Variants in PLCE1 observed in about 807,000 individuals in gnomAD.
PLCE1 encodes the protein 1-phosphatidylinositol 4,5-bisphosphate phosphodiesterase epsilon-1.
PLCE1 carries 119 observed loss-of-function variants against 242.8 expected under a neutral mutation model. The observed-to-expected ratio is 0.49, with a 90% confidence interval of 0.42 to 0.57. PLCE1 has a LOEUF of 0.57. Ranked by LOEUF, PLCE1 falls within the 20% of genes least tolerant of loss-of-function variation. PLCE1 has a pLI of 0.00. For synonymous variants in PLCE1, 945 were observed against 1,017.4 expected, an observed-to-expected ratio of 0.93 and a Z score of 1.35; for missense variants, 2,441 against 2,788.8, an observed-to-expected ratio of 0.88 and a Z score of 2.81.
intron 2 of PLCE1, among the ~76,000 whole-genome samples, chr10:94,126,858 A>T (rs926669393): frequency 6.7e-4 from 102 of 152,314 alleles, no homozygotes; most frequent in African/African-American, 2.4e-3. Context: ...TAACAACAGC[A>T]TTGTAAACAT....
intron 4 of PLCE1, among the ~76,000 whole-genome samples, chr10:94,211,282 G>A (rs1174459675): frequency 6.6e-6 from 1 of 152,184 alleles, no homozygotes; most frequent in Non-Finnish European, 1.5e-5. Context: ...GCCTATGAAG[G>A]CCTACAGAGG....
chr10:94,031,341 G>T lies in PLCE1; in HGVS notation c.295G>T (p.Ala99Ser). 1 of 1,613,838 alleles carries T rather than the reference G, an allele frequency of 6.2e-7. No homozygotes were observed. Among genetic ancestry groups the T allele is most frequent in the South Asian group, 1.1e-5 (1 of 91,080 alleles). Residue 99 changes from alanine (A) to serine (S), a missense_variant, in exon 2 of 33, where the codon GCG (alanine) becomes TCG (serine). Physicochemically the swap from Ala to Ser is moderately conservative, Grantham distance 99. Coordinates refer to ENST00000371380, the MANE Select transcript of PLCE1 (RefSeq NM_016341.4). ...TTGGGAGAAAATCATGCCAGATTCTGCGAAAAACCTTAACATTAACTGCAA... is the reference window on the plus strand; with the variant it reads ...TTGGGAGAAAATCATGCCAGATTCTTCGAAAAACCTTAACATTAACTGCAA... ...KCWEKIMPDSAKNLNINCNNI... is the reference protein window; with the variant it reads ...KCWEKIMPDSSKNLNINCNNI...
At chr10:94,165,057 C>T (rs1446936853) in intron 3 of PLCE1, among the ~76,000 whole-genome samples, 1 of 152,236 alleles carries the variant, frequency 6.6e-6, no homozygotes, top group Non-Finnish European at 1.5e-5. Context: ...TATGGGGATG[C>T]CTCCCAGTTA....
At chr10:94,020,169 C>G (rs1450677105) in intron 1 of PLCE1, among the ~76,000 whole-genome samples, 1 of 152,142 alleles carries the variant, frequency 6.6e-6, no homozygotes, top group Admixed American at 6.6e-5. Context: ...TTTGGTATGG[C>G]TGGTCATTTT....
chr10:94,207,776 T>C (rs955034324), intron 4 of PLCE1, among the ~76,000 whole-genome samples: 2 of 152,166 alleles, frequency 1.3e-5, no homozygotes, highest in African/African-American at 4.8e-5. Context: ...AAAGGAAATG[T>C]TCCAGTGATG....
At chr10:94,027,596 C>T (rs984136927) in intron 1 of PLCE1, among the ~76,000 whole-genome samples, 27 of 152,066 alleles carry the variant, frequency 1.8e-4, no homozygotes, top group Admixed American at 2.6e-4. Context: ...CCAAGGTGGG[C>T]GGATCACAAG....
chr10:94,140,058 A>G (rs940206720), intron 3 of PLCE1, among the ~76,000 whole-genome samples: 1 of 152,064 alleles, frequency 6.6e-6, no homozygotes, highest in African/African-American at 2.4e-5. Flanking sequence ...TTCTATTTTT[A>G]AAAATAATAA....
chr10:94,234,183 G>C lies in PLCE1; in HGVS notation c.2085G>C (p.Leu695=). The C allele has an allele frequency of 6.2e-7, 1 of 1,614,194 alleles. No homozygotes were observed. Among genetic ancestry groups the C allele is most frequent in the Non-Finnish European group, 8.5e-7 (1 of 1,180,012 alleles). The stretch of plus-strand genomic sequence containing the variant: ...ACAGAAAGGTGGTGACACGTGCCCT[G>C]CACATCCCTGGCTGTAAGGTGGTTC... The part of the protein sequence containing the change: ...CEYRKVVTRA[L]HIPGCKVVPF... The change falls in exon 6 of 33, where the codon CTG becomes CTC. Residue 695 remains leucine, a synonymous_variant. Transcript: ENST00000371380.
chr10:94,146,340 T>G (rs1001501888), intron 3 of PLCE1, among the ~76,000 whole-genome samples: 16 of 151,962 alleles, frequency 1.1e-4, no homozygotes. Context: ...AAAAATGAAA[T>G]GCAATAAAAA....
chr10:94,075,910 A>G (rs2044484590), intron 2 of PLCE1, among the ~76,000 whole-genome samples: 1 of 152,224 alleles, frequency 6.6e-6, no homozygotes, highest in Non-Finnish European at 1.5e-5. Flanking sequence ...CTTATTTCCT[A>G]TGCATCAAGT....
chr10:94,209,881 C>G (rs2049277568), intron 4 of PLCE1, among the ~76,000 whole-genome samples: 1 of 152,102 alleles, frequency 6.6e-6, no homozygotes, highest in South Asian at 2.1e-4. Flanking sequence ...ATATTATGTC[C>G]TTTAGTCCCA....
intron 19 of PLCE1, among the ~76,000 whole-genome samples, chr10:94,274,501 C>G (rs952046438): frequency 6.6e-6 from 1 of 152,128 alleles, no homozygotes; most frequent in South Asian, 2.1e-4. Context: ...GAAGGTAATA[C>G]ATTACCCAAT....
chr10:94,213,779 T>C (rs1461677644), intron 4 of PLCE1, among the ~76,000 whole-genome samples: 1 of 152,240 alleles, frequency 6.6e-6, no homozygotes, highest in Non-Finnish European at 1.5e-5. Context: ...GTGCTACATC[T>C]TGAAGAAGGA....
At chr10:94,215,996 A>G (rs1024150664) in intron 4 of PLCE1, among the ~76,000 whole-genome samples, 20 of 152,212 alleles carry the variant, frequency 1.3e-4, no homozygotes, top group Admixed American at 1.3e-3. Context: ...ATGCCAGCAG[A>G]GTACATGGGC....
At chr10:93,994,396 C>G (rs2060780023) in intron 1 of PLCE1, among the ~76,000 whole-genome samples, 138 bp downstream of exon 1, 1 of 152,174 alleles carries the variant, frequency 6.6e-6, no homozygotes, top group Non-Finnish European at 1.5e-5. Flanking sequence ...CCTCGCGCTC[C>G]CGGGGGACCC....
chr10:94,265,509 G>T (rs572581624), intron 14 of PLCE1, 138 bp from the exon 15 acceptor site: 5 of 753,354 alleles, frequency 6.6e-6, no homozygotes, highest in Non-Finnish European at 1.1e-5. Context: ...TTACCACTAC[G>T]TTACTAAATT....
At chr10:94,153,856 T>G (rs1169207468) in intron 3 of PLCE1, among the ~76,000 whole-genome samples, 1 of 152,220 alleles carries the variant, frequency 6.6e-6, no homozygotes, top group African/African-American at 2.4e-5. Flanking sequence ...TGCAAGATAC[T>G]GTTGAAAGAA....
Position 94,163,589 on chromosome 10 carries a change from A to T in PLCE1, c.1493-7591A>T, listed in dbSNP as rs1352606357. ...TGGGTTTCCTGAATACAGCACACTG[A>T]TGGGTCTTGACTCTTTATCCAATTT... On this transcript the variant is annotated intron_variant, in intron 3 of 32. Transcript: ENST00000371380. Among the ~76,000 whole-genome samples, 3 of 152,144 alleles carry T rather than the reference A, an allele frequency of 2.0e-5. No individual in the cohort carries two copies. In the South Asian group the frequency reaches 6.2e-4, roughly 32 times the overall value.
chr10:94,223,518 G>A (rs1306230685), intron 4 of PLCE1, among the ~76,000 whole-genome samples: 1 of 152,178 alleles, frequency 6.6e-6, no homozygotes, highest in East Asian at 1.9e-4. Context: ...ACACCAATAA[G>A]GTATTTGATG....
Sources: gnomAD v4.1 joint callset for allele counts (sites outside exome capture counted in the v4.1 genomes callset) on GRCh38, gnomAD v4.1.1 for gene constraint, MANE v1.5 for transcripts, NCBI Gene and HGNC (gene_info 2026-07-23, HGNC 2026-07-21) for gene names.